The following USF3 variants were observed in gnomAD, a reference collection of about 807,000 sequenced individuals.
The protein encoded by USF3 is basic helix-loop-helix domain-containing protein USF3.
A neutral mutation model predicts 157.5 loss-of-function variants in USF3; 29 were observed. The ratio of observed to expected loss-of-function variants is 0.18; its 90% CI spans 0.14 to 0.25. The LOEUF (loss-of-function observed/expected upper bound fraction) is 0.25, where lower values mean the gene tolerates loss of function less well. USF3 is among the 10% of genes least tolerant of loss of function. The pLI is 1.00. For synonymous variants in USF3, 893 were observed against 941.4 expected, an observed-to-expected ratio of 0.95 and a Z score of 0.94; for missense variants, 2,381 against 2,667.6, an observed-to-expected ratio of 0.89 and a Z score of 2.37.
intron 1 of USF3, among the ~76,000 whole-genome samples, chr3:113,680,713 A>T (rs1707398341): frequency 6.6e-6 from 1 of 151,728 alleles, no homozygotes; most frequent in Non-Finnish European, 1.5e-5. Flanking sequence ...AGGCAGGAGA[A>T]TCACTTGAAC....
chr3:113,662,331 T>C (rs1947499554), intron 6 of USF3, among the ~76,000 whole-genome samples: 2 of 152,206 alleles, frequency 1.3e-5, no homozygotes, highest in Admixed American at 1.3e-4. Flanking sequence ...GAGGGCATTG[T>C]CACAGCCCTC....
Position 113,657,741 on chromosome 3 carries a change from T to C in USF3, c.3941A>G (p.Glu1314Gly), listed in dbSNP as rs760709023. 4 of 1,614,148 alleles carry C rather than the reference T, an allele frequency of 2.5e-6. No individual in the cohort carries two copies. The highest frequency in any genetic ancestry group is 3.4e-6 in the Non-Finnish European group (4 of 1,180,020). ...TTCATGGCTTGGCTTTAAGAGTGGC[T>C]CTTGAATCTGTGAATTTGGTATGGT... is the stretch of plus-strand genomic sequence containing the variant. ...TSTIPNSQIQ[E>G]PLLKPSHESR... Residue 1314 changes from glutamate (E) to glycine (G), a missense_variant, in exon 7 of 7, where the codon GAG becomes GGG. By Grantham distance (98) the Glu-to-Gly change is moderately conservative. Transcript: ENST00000316407.
intron 1 of USF3, among the ~76,000 whole-genome samples, chr3:113,680,844 G>GTTTTCATT (rs1559721751): frequency 6.8e-6 from 1 of 147,360 alleles, no homozygotes; most frequent in Non-Finnish European, 1.5e-5. Context: ...TTTTGTTTTT[G>GTTTTCATT]TTTTCATTTC....
In USF3 at chr3:113,649,692, A is replaced by G. The variant is rs1044163987; in HGVS notation, c.*5252T>C. On this transcript the variant is annotated 3_prime_UTR_variant, in exon 7 of 7. Transcript: ENST00000316407. ...ATATGTTCCAACAGCTGGTCTAAAG[A>G]CCAGAGGCACAGTTTCAGGTAAAGT... is the stretch of plus-strand genomic sequence containing the variant. The G allele has an allele frequency of 2.3e-5, 14 of 613,758 alleles. No homozygotes were observed. Among genetic ancestry groups the G allele is most frequent in the African/African-American group, 7.4e-5 (4 of 53,998 alleles). The allele number at this position is 613,758 out of a possible 1,614,324, so 38.0% of individuals were successfully genotyped here. A position where few individuals can be genotyped will look rare whatever the true frequency, so the allele number is the denominator to read the frequency against.
At chr3:113,667,897 CAG>C (rs1553699758) in intron 5 of USF3, among the ~76,000 whole-genome samples, 2 of 151,320 alleles carry the variant, frequency 1.3e-5, no homozygotes, top group African/African-American at 2.4e-5. Context: ...AACAAACAAA[CAG>C]AAACATATAT....
intron 1 of USF3, among the ~76,000 whole-genome samples, chr3:113,681,941 G>T (rs528293981): frequency 2.6e-5 from 4 of 152,030 alleles, no homozygotes; most frequent in Non-Finnish European, 4.4e-5. Context: ...GGCTGGTCTT[G>T]AACTCTTGAC....
rs1947420112 is a variant in USF3, at chr3:113,658,822, A to C, written c.2860T>G (p.Leu954Val). Reference protein sequence around the residue: ...LIPSPSDPHILVSQVPGLSST... With the variant: ...LIPSPSDPHIVVSQVPGLSST... ...GACAAACCAGGAACCTGAGAAACCA[A>C]AATGTGAGGATCACTTGGAGATGGA... is the stretch of plus-strand genomic sequence containing the variant. The change falls in exon 7 of 7, where the codon TTG (leucine) becomes GTG (valine). Residue 954 changes from leucine (L) to valine (V), a missense_variant. Physicochemically the swap from Leu to Val is conservative, Grantham distance 32. Transcript: ENST00000316407. 6.2e-7 allele frequency: 1 copy of C among 1,614,068 alleles called. No individual in the cohort carries two copies. The highest frequency in any genetic ancestry group is 8.5e-7 in the Non-Finnish European group (1 of 1,180,048).
chr3:113,658,779 G>A lies in USF3; in HGVS notation c.2903C>T (p.Thr968Ile). 6.2e-7 allele frequency: 1 copy of A among 1,614,122 alleles called. No homozygotes were observed. Among genetic ancestry groups the A allele is most frequent in the Non-Finnish European group, 8.5e-7 (1 of 1,180,024 alleles). The stretch of plus-strand genomic sequence containing the variant: ...TACCTCAGAAACACAGTCAGTACTT[G>A]TAGTGCTTGTTGTAGATGACAAACC... ...VPGLSSTTST[T>I]STDCVSEVEI... The change falls in exon 7 of 7, where the codon ACA becomes ATA. Residue 968 changes from threonine (T) to isoleucine (I), a missense_variant. This residue lies in a region of USF3 where 1,435 missense variants were observed against 1,550.9 expected (regional missense o/e 0.93). Transcript: ENST00000316407.
intron 1 of USF3, among the ~76,000 whole-genome samples, chr3:113,693,582 T>C (rs1577057738): frequency 6.6e-6 from 1 of 152,132 alleles, no homozygotes; most frequent in African/African-American, 2.4e-5. Context: ...TCAGAAGGGT[T>C]CCAAACCAAA....
chr3:113,674,930 T>C (rs1415936669), intron 2 of USF3, 34 bp from the exon 3 acceptor site: 2 of 1,371,922 alleles, frequency 1.5e-6, no homozygotes, highest in Admixed American at 1.7e-5. Context: ...CCAGAAAGCT[T>C]AGTCATTCTA....
intron 1 of USF3, among the ~76,000 whole-genome samples, chr3:113,692,475 G>A (rs984485033): frequency 6.6e-6 from 1 of 152,106 alleles, no homozygotes; most frequent in African/African-American, 2.4e-5. Flanking sequence ...AGTAATAAAT[G>A]TCTGCTGAAA....
rs754771852 is a variant in USF3 at position 113,656,145 on chromosome 3, G to A, written c.5537C>T (p.Thr1846Ile). 1 of 1,614,060 alleles carries A rather than the reference G, an allele frequency of 6.2e-7. No individual in the cohort carries two copies. Among genetic ancestry groups the A allele is most frequent in the Non-Finnish European group, 8.5e-7 (1 of 1,180,036 alleles). ...AATTGCAGAGGATGGACCACACTGT[G>A]TATTCCTCTGATGTTCTGAGAGTGA... ...QRSLSEHQRN[T>I]QCGPSSAIEY... is the part of the protein sequence containing the mutation. The change falls in exon 7 of 7, where the codon ACA becomes ATA. Residue 1846 changes from threonine to isoleucine, a missense_variant. Around this residue, in one of 6 missense-constraint regions of USF3, gnomAD observed 770 missense variants for 824.2 expected, o/e 0.93. Coordinates refer to ENST00000316407, the MANE Select transcript of USF3 (RefSeq NM_001009899.4).
At position 113,666,248 on chromosome 3, in the gene USF3, C is replaced by CTTTT. The variant is rs1232834885; in HGVS notation, c.160-1843_160-1840dup. Among the ~76,000 whole-genome samples the CTTTT allele has an allele frequency of 5.8e-3, 593 of 101,660 alleles. 1 individual carries two copies. Among genetic ancestry groups the CTTTT allele is most frequent in the Non-Finnish European group, 6.5e-3 (342 of 52,418 alleles). 66.7% of individuals were successfully genotyped at this position (101,660 alleles called of 152,430 possible). ...TTCCATATAGCATCTAGACATCTTT[C>CTTTT]TTTTTTTTTTTTTTTTTTTTTGAGA... On this transcript the variant is annotated intron_variant, in intron 5 of 6. Coordinates refer to ENST00000316407, the MANE Select transcript of USF3 (RefSeq NM_001009899.4).
intron 1 of USF3, among the ~76,000 whole-genome samples, chr3:113,684,729 G>A (rs771773428): frequency 4.0e-5 from 6 of 151,866 alleles, no homozygotes; most frequent in Non-Finnish European, 7.4e-5. Flanking sequence ...TAAATTTATC[G>A]ATAGGATTCT....
chr3:113,688,220 G>C (rs557271959), intron 1 of USF3, among the ~76,000 whole-genome samples: 1 of 152,154 alleles, frequency 6.6e-6, no homozygotes, highest in African/African-American at 2.4e-5. Flanking sequence ...CCGGGTTAAA[G>C]TGATTCTCTT....
chr3:113,696,054 AGGG>A (rs1707790353), intron 1 of USF3, among the ~76,000 whole-genome samples: 1 of 152,262 alleles, frequency 6.6e-6, no homozygotes, highest in Non-Finnish European at 1.5e-5. Context: ...TTATGCACCC[AGGG>A]CAGCGTGGGG....
chr3:113,654,957 C>G lies in USF3; in HGVS notation c.6725G>C (p.Ser2242Thr). 1 of 1,608,696 alleles carries G rather than the reference C, an allele frequency of 6.2e-7. No individual in the cohort carries two copies. Among genetic ancestry groups the G allele is most frequent in the Non-Finnish European group, 8.5e-7 (1 of 1,176,924 alleles). ...NISHILGHDC[S>T]SAV is the part of the protein sequence containing the mutation. ...GTTTATCAGTATTTAAACAGCTGAA[C>G]TGCAATCATGACCTAGAATATGGCT... is the stretch of plus-strand genomic sequence containing the variant. The change falls in exon 7 of 7, where the codon AGT (serine) becomes ACT (threonine). Residue 2242 changes from serine to threonine, a missense_variant. Coordinates refer to ENST00000316407, the MANE Select transcript of USF3 (RefSeq NM_001009899.4).
At chr3:113,681,451 T>C (rs1233554640) in intron 1 of USF3, among the ~76,000 whole-genome samples, 1 of 152,162 alleles carries the variant, frequency 6.6e-6, no homozygotes, top group Non-Finnish European at 1.5e-5. Flanking sequence ...TTAATTTCCC[T>C]GTATTCACAT....
chr3:113,692,166 G>A (rs992642038), intron 1 of USF3, among the ~76,000 whole-genome samples: 4 of 152,106 alleles, frequency 2.6e-5, no homozygotes, highest in Non-Finnish European at 5.9e-5. Context: ...CCTGCTGTGC[G>A]GCCTGATTCC....
Sources: allele counts gnomAD v4.1 joint callset (sites outside exome capture counted in the v4.1 genomes callset), GRCh38; gene constraint gnomAD v4.1.1; regional missense constraint gnomAD v4.1.1; transcripts MANE v1.5; gene names NCBI Gene and HGNC (gene_info 2026-07-23, HGNC 2026-07-21).